METTL16: variants seen among roughly 807,000 people sequenced by gnomAD.
METTL16 encodes methyltransferase 16, RNA N6-adenosine.
Under a neutral mutation model 57.9 loss-of-function variants are expected in METTL16, and 19 were observed. The observed-to-expected ratio is 0.33, with a 90% CI of 0.23 to 0.48. METTL16 has a LOEUF of 0.48. Among genes scored for constraint, METTL16 ranks in the 20% least tolerant of loss-of-function variants. METTL16 has a pLI of 0.99. For synonymous variants in METTL16, 246 were observed against 255.6 expected, an observed-to-expected ratio of 0.96 and a Z score of 0.36; for missense variants, 434 against 691.5, an observed-to-expected ratio of 0.63 and a Z score of 4.18.
chr17:2,502,950 T>G (rs531604371), intron 1 of METTL16, among the ~76,000 whole-genome samples: 1 of 151,330 alleles, frequency 6.6e-6, no homozygotes, highest in Non-Finnish European at 1.5e-5. Context: ...AAACAACGAG[T>G]GTTCTGCAAG....
At chr17:2,488,426 G>A (rs151234960) in intron 2 of METTL16, among the ~76,000 whole-genome samples, 175 of 151,778 alleles carry the variant, frequency 1.2e-3, no homozygotes, top group Admixed American at 3.0e-3. Context: ...GCTTGGTGGT[G>A]GGCGCTTATG....
At position 2,420,430 on chromosome 17, in the gene METTL16, T is replaced by C; in HGVS notation, c.1229A>G (p.Lys410Arg). 5 of 1,613,978 alleles carry C rather than the reference T, an allele frequency of 3.1e-6. No homozygotes were observed. Among genetic ancestry groups the C allele is most frequent in the Non-Finnish European group, 4.2e-6 (5 of 1,180,032 alleles). The stretch of plus-strand genomic sequence containing the variant: ...ATTGCCAGACTCTTTGGGGGTGGGC[T>C]TTTTCTCTTCCAAGGCCTGAATGAC... The part of the protein sequence containing the change: ...EDVIQALEEK[K>R]PTPKESGNSQ... Residue 410 changes from lysine to arginine, a missense_variant, in exon 10 of 10, where the codon AAG becomes AGG. Physicochemically the swap from Lys to Arg is conservative, Grantham distance 26 (BLOSUM62 2). Coordinates refer to ENST00000263092, the MANE Select transcript of METTL16 (RefSeq NM_024086.4). This position sits in a 1 kb window ranked among gnomAD's most constrained non-coding sequence, Gnocchi z 5.4.
chr17:2,501,639 C>G (rs1357144010), intron 2 of METTL16, among the ~76,000 whole-genome samples: 4 of 152,102 alleles, frequency 2.6e-5, no homozygotes, highest in Admixed American at 2.6e-4. Context: ...GTGGGCGGAT[C>G]ACGAGGTCAG....
chr17:2,447,024 G>C (rs1460228867), intron 6 of METTL16, among the ~76,000 whole-genome samples: 1 of 149,948 alleles, frequency 6.7e-6, no homozygotes, highest in Non-Finnish European at 1.5e-5. Flanking sequence ...AGTGAGGAGC[G>C]TCTCTGCTTG....
chr17:2,442,501 A>G (rs1196013637), intron 6 of METTL16, among the ~76,000 whole-genome samples: 5 of 152,166 alleles, frequency 3.3e-5, no homozygotes, highest in African/African-American at 1.2e-4. Context: ...AAAGGAAAAA[A>G]AAAAAGATTA....
chr17:2,420,211 G>A lies in METTL16; in HGVS notation c.1448C>T (p.Ser483Phe). ...GVEVLESCQG[S>F]SNGAQDQEAS... ...CTCTTGGTCCTGGGCTCCGTTGCTA[G>A]AGCCTTGACAACTTTCCAAAACCTC... The change falls in exon 10 of 10, where the codon TCT (serine) becomes TTT (phenylalanine). Residue 483 changes from serine to phenylalanine, a missense_variant. Ser to Phe is a radical substitution (Grantham distance 155). This residue lies in a region of METTL16 where 168 missense variants were observed against 149.6 expected (regional missense o/e 1.12). Coordinates refer to ENST00000263092, the MANE Select transcript of METTL16 (RefSeq NM_024086.4). This position sits in a 1 kb window ranked among gnomAD's most constrained non-coding sequence, Gnocchi z 5.4. 1 of 1,614,218 alleles carries A rather than the reference G, an allele frequency of 6.2e-7. No homozygotes were observed. The highest frequency in any genetic ancestry group is 8.5e-7 in the Non-Finnish European group (1 of 1,180,046).
intron 1 of METTL16, among the ~76,000 whole-genome samples, chr17:2,502,984 A>G (rs78683176): frequency 0.027 from 4,094 of 152,322 alleles, 97 homozygotes; most frequent in African/African-American, 0.067. Flanking sequence ...TGGAGTTCTC[A>G]TGCATTGCTG....
chr17:2,417,486 C>G lies in METTL16; in HGVS notation c.*2484G>C, dbSNP rs1040987614. ...AGACACAGAAACACCTTCTGTGCTT[C>G]AATACACAGAGCATTCTCTGGAAAT... On this transcript the variant is annotated 3_prime_UTR_variant, in exon 10 of 10. Transcript: ENST00000263092. 1 of 152,172 alleles carries G rather than the reference C, an allele frequency of 6.6e-6. No individual in the cohort carries two copies. Among genetic ancestry groups the G allele is most frequent in the African/African-American group, 2.4e-5 (1 of 41,446 alleles). 9.4% of individuals were successfully genotyped at this position (152,172 alleles called of 1,614,324 possible).
chr17:2,495,945 C>T (rs1340423183), intron 2 of METTL16, among the ~76,000 whole-genome samples: 1 of 151,126 alleles, frequency 6.6e-6, no homozygotes, highest in Non-Finnish European at 1.5e-5. Context: ...CTTGTCTCTA[C>T]TAAAAAATAC....
Position 2,447,753 on chromosome 17 carries a change from TG to T in METTL16, c.729-6195del, listed in dbSNP as rs1188107421. 5.3e-5 allele frequency among the ~76,000 whole-genome samples: 4 copies of T among 75,786 alleles called. No homozygotes were observed. The East Asian group carries it at 1.7e-3, about 32-fold the overall frequency. 49.7% of individuals were successfully genotyped at this position (75,786 alleles called of 152,430 possible). On this transcript the variant is annotated intron_variant, in intron 6 of 9. Transcript: ENST00000263092. ...CCAGCCGCCCAGTCCGGGAGGGAGG[TG>T]GGGGGATCAGCCCCCCGCCCGGCCA...
At chr17:2,472,970 A>G (rs2067244144) in intron 4 of METTL16, among the ~76,000 whole-genome samples, 1 of 152,092 alleles carries the variant, frequency 6.6e-6, no homozygotes, top group African/African-American at 2.4e-5. Context: ...CACCAAGAGG[A>G]AACCGTAATG....
rs1312797956 is a variant in METTL16, at chr17:2,487,017, A to AG, written c.129-9133_129-9132insC. On this transcript the variant is annotated intron_variant, in intron 2 of 9. Transcript: ENST00000263092. The stretch of plus-strand genomic sequence containing the variant: ...AGATCCTGTCTCAAAAAAAAAAAAA[A>AG]AAAAAAAAAGGCTATATCTAGATAA... 2.0e-3 allele frequency among the ~76,000 whole-genome samples: 297 copies of AG among 151,092 alleles called. 1 individual carries two copies. The highest frequency in any genetic ancestry group is 6.7e-3 in the African/African-American group (275 of 41,270).
rs1211411513 is a variant in METTL16, at chr17:2,419,804, CGG to C, written c.*164_*165del. 2 of 821,004 alleles carry C rather than the reference CGG, an allele frequency of 2.4e-6. No homozygotes were observed. The highest frequency in any genetic ancestry group is 5.3e-5 in the East Asian group (2 of 37,888). The allele number at this position is 821,004 out of a possible 1,614,324, so 50.9% of individuals were successfully genotyped here. ...CTACGACTCCCTGTAACTCAAAAAG[CGG>C]GAAGGAGGCGGGGGGAGGTGGGGGA... On this transcript the variant is annotated 3_prime_UTR_variant, in exon 10 of 10. Transcript: ENST00000263092.
chr17:2,507,403 C>A (rs1332171237), intron 1 of METTL16, among the ~76,000 whole-genome samples: 3 of 149,052 alleles, frequency 2.0e-5, no homozygotes, highest in Non-Finnish European at 3.0e-5. Flanking sequence ...GCCCGGCCAG[C>A]CGCCCCATCC....
At chr17:2,473,925 T>G (rs1361860684) in intron 3 of METTL16, among the ~76,000 whole-genome samples, 1 of 152,062 alleles carries the variant, frequency 6.6e-6, no homozygotes, top group Non-Finnish European at 1.5e-5. Context: ...TTTCTGTAAT[T>G]TTTGTATTTT....
chr17:2,444,098 T>C (rs554128439), intron 6 of METTL16, among the ~76,000 whole-genome samples: 1 of 152,150 alleles, frequency 6.6e-6, no homozygotes, highest in African/African-American at 2.4e-5. Context: ...AATAAATACA[T>C]ACAGCCATGA....
Position 2,467,897 on chromosome 17 carries a change from G to A in METTL16, c.470-21C>T, listed in dbSNP as rs991700733. 4.6e-6 allele frequency: 7 copies of A among 1,514,438 alleles called. No individual in the cohort carries two copies. In the African/African-American group the frequency reaches 9.6e-5, roughly 21 times the overall value. The allele number at this position is 1,514,438 out of a possible 1,614,324, so 93.8% of individuals were successfully genotyped here. ...CACCACTAGGAGAAAAAACAGGACT[G>A]TGAACTAATATTAATGTTGCAGTGG... On this transcript the variant is annotated intron_variant, in intron 4 of 9. Coordinates refer to ENST00000263092, the MANE Select transcript of METTL16 (RefSeq NM_024086.4).
At chr17:2,462,305 T>C (rs2067155432) in intron 6 of METTL16, among the ~76,000 whole-genome samples, 1 of 152,158 alleles carries the variant, frequency 6.6e-6, no homozygotes, top group Non-Finnish European at 1.5e-5. Context: ...AGCAGAATGA[T>C]GGTTGCCAGG....
intron 1 of METTL16, among the ~76,000 whole-genome samples, chr17:2,508,216 T>C (rs1025508658): frequency 2.6e-5 from 4 of 152,192 alleles, no homozygotes; most frequent in Non-Finnish European, 4.4e-5. Context: ...TAATTTTACA[T>C]AGTCATAAAT....
Sources: allele counts gnomAD v4.1 joint callset (sites outside exome capture counted in the v4.1 genomes callset), GRCh38; gene constraint gnomAD v4.1.1; regional missense constraint gnomAD v4.1.1; non-coding constraint Gnocchi (gnomAD v3.1); transcripts MANE v1.5; gene names NCBI Gene and HGNC (gene_info 2026-07-23, HGNC 2026-07-21).